The following PRKCB variants were observed in gnomAD, a reference collection of about 807,000 sequenced individuals.
PRKCB encodes protein kinase C beta, also known as protein kinase C beta type.
PRKCB carries 13 observed loss-of-function variants against 81.5 expected under a neutral mutation model. The ratio of observed to expected loss-of-function variants is 0.16; its 90% confidence interval spans 0.10 to 0.25. PRKCB has a LOEUF of 0.25. Among genes scored for constraint, PRKCB ranks in the 10% least tolerant of loss-of-function variants. PRKCB has a pLI of 1.00. For synonymous variants in PRKCB, 335 were observed against 321.4 expected, an observed-to-expected ratio of 1.04 and a Z score of -0.45; for missense variants, 509 against 875.7, an observed-to-expected ratio of 0.58 and a Z score of 5.29.
In PRKCB at chr16:24,021,293, CCCTTCCTTCCTTCCTTCCTTCCTT is replaced by C. The variant is rs1157671937; in HGVS notation, c.289-10803_289-10780del. 6.7e-3 allele frequency among the ~76,000 whole-genome samples: 124 copies of C among 18,382 alleles called. 5 individuals are homozygous for C. Among genetic ancestry groups the C allele is most frequent in the African/African-American group, 0.032 (110 of 3,396 alleles). 12.1% of individuals were successfully genotyped at this position (18,382 alleles called of 152,430 possible). A position where few individuals can be genotyped will look rare whatever the true frequency, so the allele number is the denominator to read the frequency against. ...TTTTCTTTCTTTTCTCCCTCTCCCT[CCCTTCCTTCCTTCCTTCCTTCCTT>C]CCTTCCTTCCTTCCTTCCTTCCTTC... On this transcript the variant is annotated intron_variant, in intron 3 of 16. Coordinates refer to ENST00000643927, the MANE Select transcript of PRKCB (RefSeq NM_002738.7).
chr16:23,940,151 T>A (rs948284870), intron 2 of PRKCB, among the ~76,000 whole-genome samples: 7 of 152,158 alleles, frequency 4.6e-5, no homozygotes, highest in Non-Finnish European at 1.0e-4. Context: ...CAATGAGATA[T>A]CACTACAGAT....
intron 7 of PRKCB, among the ~76,000 whole-genome samples, chr16:24,100,372 GCAT>G (rs1567374137): frequency 6.6e-6 from 1 of 152,160 alleles, no homozygotes; most frequent in East Asian, 1.9e-4. Flanking sequence ...TAGCTTTGGG[GCAT>G]CATTCTGGCT....
At chr16:24,213,156 T>C (rs1204951147) in intron 16 of PRKCB, among the ~76,000 whole-genome samples, 1 of 152,062 alleles carries the variant, frequency 6.6e-6, no homozygotes, top group Non-Finnish European at 1.5e-5. Context: ...TGCTTCAGCC[T>C]CCTGAGTAGC....
intron 13 of PRKCB, among the ~76,000 whole-genome samples, chr16:24,184,648 C>A (rs1967675902): frequency 6.6e-6 from 1 of 152,178 alleles, no homozygotes; most frequent in African/African-American, 2.4e-5. Flanking sequence ...CTCAGCTGAG[C>A]TATCTTTTAT....
chr16:24,091,110 A>G (rs1298357401), intron 5 of PRKCB, among the ~76,000 whole-genome samples: 1 of 152,174 alleles, frequency 6.6e-6, no homozygotes, highest in Non-Finnish European at 1.5e-5. Context: ...AATAATGGCT[A>G]TGGTAATGGA....
chr16:24,123,936 C>T lies in PRKCB; in HGVS notation c.1020C>T (p.Thr340=), dbSNP rs116346810. The change falls in exon 9 of 17, where the codon ACC becomes ACT. Residue 340 remains threonine (T), a synonymous_variant. Transcript: ENST00000643927. ...GCAACAGAGACCGGATGAAACTGAC[C>T]GATTTTAACTTCCTAATGGTGCTGG... ...NNGNRDRMKL[T]DFNFLMVLGK... 3.7e-5 allele frequency: 59 copies of T among 1,614,076 alleles called. No homozygotes were observed. Among genetic ancestry groups the T allele is most frequent in the African/African-American group, 2.7e-4 (20 of 75,020 alleles).
intron 16 of PRKCB, among the ~76,000 whole-genome samples, chr16:24,207,424 C>T (rs1403646972): frequency 6.6e-6 from 1 of 152,006 alleles, no homozygotes; most frequent in Non-Finnish European, 1.5e-5. Flanking sequence ...AAAATTAAAA[C>T]CATCTGTAAT....
At chr16:23,871,148 T>C (rs1468129) in intron 2 of PRKCB, among the ~76,000 whole-genome samples, 147,161 of 152,288 alleles carry the variant, frequency 0.97, 71,138 homozygotes, top group East Asian at 1. Flanking sequence ...CCAAGCCTTC[T>C]CAGATTCAAG....
In PRKCB at chr16:24,185,164, C is replaced by A. The variant is rs748126363; in HGVS notation, c.1587C>A (p.Val529=). ...CCGTGGATTGGTGGGCATTTGGAGTCCTGCTGTATGAAATGTTGGCTGGGC... is the reference window on the plus strand; with the variant it reads ...CCGTGGATTGGTGGGCATTTGGAGTACTGCTGTATGAAATGTTGGCTGGGC... ...GKSVDWWAFG[V]LLYEMLAGQA... is the part of the protein sequence containing the mutation. Residue 529 remains valine (V), a synonymous_variant, in exon 14 of 17, where the codon GTC becomes GTA. Coordinates refer to ENST00000643927, the MANE Select transcript of PRKCB (RefSeq NM_002738.7). 6.2e-7 allele frequency: 1 copy of A among 1,614,066 alleles called. No homozygotes were observed. The highest frequency in any genetic ancestry group is 8.5e-7 in the Non-Finnish European group (1 of 1,179,956).
intron 6 of PRKCB, among the ~76,000 whole-genome samples, chr16:24,093,289 C>G (rs555615978): frequency 6.6e-6 from 1 of 152,266 alleles, no homozygotes; most frequent in South Asian, 2.1e-4. Context: ...ACATAACCTA[C>G]AGGGTGTGGT....
intron 5 of PRKCB, among the ~76,000 whole-genome samples, chr16:24,042,111 G>T (rs1352462853): frequency 6.6e-6 from 1 of 152,010 alleles, no homozygotes; most frequent in Non-Finnish European, 1.5e-5. Flanking sequence ...ACGTGTGCAG[G>T]TTTGTTATAT....
At position 24,217,590 on chromosome 16, in the gene PRKCB, G is replaced by C; in HGVS notation, c.*2774G>C. The C allele has an allele frequency of 7.1e-6, 7 of 985,400 alleles. No homozygotes were observed. Among genetic ancestry groups the C allele is most frequent in the Non-Finnish European group, 8.4e-6 (7 of 829,954 alleles). 61.0% of individuals were successfully genotyped at this position (985,400 alleles called of 1,614,324 possible). On this transcript the variant is annotated 3_prime_UTR_variant, in exon 17 of 17. Transcript: ENST00000643927. Reference sequence around the variant, plus strand: ...TATTTTCTCTGGGGATCTGCCCACAGGACAAAGTCCATAAAAGCAAGTCCT... The same window carrying C: ...TATTTTCTCTGGGGATCTGCCCACACGACAAAGTCCATAAAAGCAAGTCCT...
At chr16:23,984,528 A>G (rs1238004130) in intron 2 of PRKCB, among the ~76,000 whole-genome samples, 1 of 152,250 alleles carries the variant, frequency 6.6e-6, no homozygotes, top group Non-Finnish European at 1.5e-5. Context: ...AAAACCAGGT[A>G]GAGTTGATAA....
chr16:23,855,801 A>G (rs112260718), intron 2 of PRKCB, among the ~76,000 whole-genome samples: 43 of 152,224 alleles, frequency 2.8e-4, no homozygotes, highest in Non-Finnish European at 1.2e-4. Flanking sequence ...CAATGCATCA[A>G]GTGGGCATTG....
chr16:24,052,202 C>T (rs1567357769), intron 5 of PRKCB, among the ~76,000 whole-genome samples: 1 of 152,096 alleles, frequency 6.6e-6, no homozygotes, highest in Non-Finnish European at 1.5e-5. Context: ...AAAGCAATGT[C>T]CTGTACTTGA....
At chr16:24,021,284 C>T (rs1965390468) in intron 3 of PRKCB, among the ~76,000 whole-genome samples, 1 of 80,732 alleles carries the variant, frequency 1.2e-5, no homozygotes. Flanking sequence ...TTCTTTTCTC[C>T]CTCTCCCTCC....
At chr16:23,901,470 A>G (rs1238955872) in intron 2 of PRKCB, among the ~76,000 whole-genome samples, 1 of 152,172 alleles carries the variant, frequency 6.6e-6, no homozygotes, top group Non-Finnish European at 1.5e-5. Context: ...AGCAGGAAAC[A>G]GCTTTGAGAG....
In PRKCB at chr16:24,217,184, A is replaced by G. The variant is rs761311608; in HGVS notation, c.*2368A>G. ...AGGAAAAGAAGGAAGGAAGGAAGGA[A>G]TATAGTGTTATAAATACTGCACTCA... On this transcript the variant is annotated 3_prime_UTR_variant, in exon 17 of 17. Transcript: ENST00000643927. 1.0e-6 allele frequency: 1 copy of G among 983,836 alleles called. No individual in the cohort carries two copies. Among genetic ancestry groups the G allele is most frequent in the Non-Finnish European group, 1.2e-6 (1 of 828,608 alleles). 60.9% of individuals were successfully genotyped at this position (983,836 alleles called of 1,614,324 possible).
At chr16:24,163,323 G>C (rs904818467) in intron 10 of PRKCB, among the ~76,000 whole-genome samples, 7 of 152,210 alleles carry the variant, frequency 4.6e-5, no homozygotes, top group African/African-American at 1.4e-4. Context: ...TTGCCTCCCA[G>C]GGGAGGAAAC....
Sources: gnomAD v4.1 joint callset for allele counts (sites outside exome capture counted in the v4.1 genomes callset) on GRCh38, gnomAD v4.1.1 for gene constraint, MANE v1.5 for transcripts, NCBI Gene and HGNC (gene_info 2026-07-23, HGNC 2026-07-21) for gene names.